The following PTPRG variants were observed in gnomAD, a reference collection of about 807,000 sequenced individuals.
PTPRG encodes receptor-type tyrosine-protein phosphatase gamma.
PTPRG carries 102 observed loss-of-function variants against 165.3 expected under a neutral mutation model. The observed-to-expected ratio is 0.62, with a 90% CI of 0.53 to 0.73. PTPRG has a LOEUF of 0.73. Ranked by LOEUF, PTPRG falls within the 30% of genes least tolerant of loss-of-function variation. The pLI, the probability that PTPRG is intolerant of heterozygous loss-of-function variation, is 0.00. For missense variants in PTPRG, 1,866 were observed against 1,861.4 expected, an observed-to-expected ratio of 1.00 and a Z score of -0.05; for synonymous variants, 675 against 669.5, an observed-to-expected ratio of 1.01 and a Z score of -0.13.
intron 2 of PTPRG, among the ~76,000 whole-genome samples, chr3:61,811,782 C>A (rs1214065091): frequency 6.6e-6 from 1 of 152,186 alleles, no homozygotes; most frequent in Non-Finnish European, 1.5e-5. Context: ...CAAATTCCCA[C>A]AGGCTTAAAA....
At chr3:62,000,759 C>T (rs867198242) in intron 3 of PTPRG, among the ~76,000 whole-genome samples, 1 of 152,208 alleles carries the variant, frequency 6.6e-6, no homozygotes, top group African/African-American at 2.4e-5. Context: ...CAGAGAGTTA[C>T]ACCTGTGTGG....
chr3:61,575,108 T>C (rs1700145940), intron 1 of PTPRG, among the ~76,000 whole-genome samples: 1 of 152,236 alleles, frequency 6.6e-6, no homozygotes, highest in Non-Finnish European at 1.5e-5. Context: ...GAGTTCTTTC[T>C]GAACATATTT....
At chr3:61,585,915 G>T (rs979131885) in intron 1 of PTPRG, among the ~76,000 whole-genome samples, 1 of 152,098 alleles carries the variant, frequency 6.6e-6, no homozygotes, top group Non-Finnish European at 1.5e-5. Flanking sequence ...ATTTGTTGGG[G>T]ACCTACTGTG....
At chr3:61,772,283 G>C (rs1374806844) in intron 2 of PTPRG, among the ~76,000 whole-genome samples, 1 of 151,964 alleles carries the variant, frequency 6.6e-6, no homozygotes, top group Non-Finnish European at 1.5e-5. Context: ...GTTTAGTGTT[G>C]AATGAGGAAT....
intron 2 of PTPRG, among the ~76,000 whole-genome samples, chr3:61,936,106 A>G (rs544987403): frequency 1.3e-5 from 2 of 152,308 alleles, no homozygotes; most frequent in East Asian, 3.9e-4. Context: ...TTGCAATACA[A>G]GGCACCATCT....
chr3:62,252,996 C>T lies in PTPRG; in HGVS notation c.2468-2128C>T, dbSNP rs1701456178. Among the ~76,000 whole-genome samples, 1 of 152,142 alleles carries T rather than the reference C, an allele frequency of 6.6e-6. No homozygotes were observed. The highest frequency in any genetic ancestry group is 1.9e-4 in the East Asian group (1 of 5,186). ...TCCATGATTATCACACTGAACTCTG[C>T]TGGATTTTTGCTGCTTCTAGCCATA... On this transcript the variant is annotated intron_variant, in intron 15 of 29. Coordinates refer to ENST00000474889, the MANE Select transcript of PTPRG (RefSeq NM_002841.4). The surrounding 1 kb of genome is among the most constrained non-coding windows in gnomAD (Gnocchi z 4.6).
intron 2 of PTPRG, among the ~76,000 whole-genome samples, chr3:61,839,784 T>C (rs961022277): frequency 3.3e-5 from 5 of 152,206 alleles, no homozygotes; most frequent in Non-Finnish European, 7.3e-5. Context: ...TTCTGAATTT[T>C]CTTTCTGTAC....
At position 62,214,529 on chromosome 3, in the gene PTPRG, C is replaced by A. The variant is rs1559661129; in HGVS notation, c.2156-4322C>A. Among the ~76,000 whole-genome samples the A allele has an allele frequency of 6.6e-6, 1 of 152,196 alleles. No homozygotes were observed. The highest frequency in any genetic ancestry group is 1.5e-5 in the Non-Finnish European group (1 of 68,040). ...AGGTTAGTTGCCCAAAGTTGCAAAG[C>A]TAGTAGGAGGCAGAGCTTTGTAACT... On this transcript the variant is annotated intron_variant, in intron 12 of 29. Transcript: ENST00000474889. This position sits in a 1 kb window ranked among gnomAD's most constrained non-coding sequence, Gnocchi z 5.2.
chr3:61,580,190 C>T (rs1436031921), intron 1 of PTPRG, among the ~76,000 whole-genome samples: 2 of 152,006 alleles, frequency 1.3e-5, no homozygotes, highest in Non-Finnish European at 2.9e-5. Flanking sequence ...ACCTGTAATC[C>T]CAGCTACTCT....
At chr3:61,738,261 T>A (rs2056485) in intron 1 of PTPRG, among the ~76,000 whole-genome samples, 18 of 36,054 alleles carry the variant, frequency 5.0e-4, no homozygotes, top group South Asian at 1.9e-3. Context: ...TCCATTTTTA[T>A]ATATATATAT....
At chr3:62,070,233 C>A (rs1417743504) in intron 4 of PTPRG, among the ~76,000 whole-genome samples, 1 of 152,160 alleles carries the variant, frequency 6.6e-6, no homozygotes, top group Non-Finnish European at 1.5e-5. Context: ...CTGTATTTAG[C>A]AGAACCATAC....
rs544866834 is a variant in PTPRG, at chr3:61,790,129, C to G, written c.190+41147C>G. ...GACTGGTGTGATCACTTAGCCGTGTCTGTCATGGGCAGTGGAGTACAGAGG... is the reference window on the plus strand; with the variant it reads ...GACTGGTGTGATCACTTAGCCGTGTGTGTCATGGGCAGTGGAGTACAGAGG... On this transcript the variant is annotated intron_variant, in intron 2 of 29. Transcript: ENST00000474889. Among the ~76,000 whole-genome samples the G allele has an allele frequency of 1.6e-4, 25 of 152,262 alleles. 3 individuals are homozygous for G. The South Asian group carries it at 4.6e-3, about 28-fold the overall frequency.
chr3:62,273,142 T>G lies in PTPRG; in HGVS notation c.3318+61T>G. On this transcript the variant is annotated intron_variant, in intron 22 of 29. Coordinates refer to ENST00000474889, the MANE Select transcript of PTPRG (RefSeq NM_002841.4). The surrounding 1 kb of genome is among the most constrained non-coding windows in gnomAD (Gnocchi z 4.1). ...GGCAAATGCTGTAACTGAAATTTGTTAAATGATAATGAAGAGACAGATTCA... is the reference window on the plus strand; with the variant it reads ...GGCAAATGCTGTAACTGAAATTTGTGAAATGATAATGAAGAGACAGATTCA... The G allele has an allele frequency of 2.0e-6, 3 of 1,512,320 alleles. No individual in the cohort carries two copies. In the South Asian group the frequency reaches 4.0e-5, roughly 20 times the overall value. 93.7% of individuals were successfully genotyped at this position (1,512,320 alleles called of 1,614,324 possible).
chr3:61,649,532 T>C (rs1487541723), intron 1 of PTPRG, among the ~76,000 whole-genome samples: 1 of 152,134 alleles, frequency 6.6e-6, no homozygotes, highest in African/African-American at 2.4e-5. Flanking sequence ...GAAGACTCTT[T>C]TATATGGTTC....
chr3:61,904,380 G>A (rs1291477779), intron 2 of PTPRG, among the ~76,000 whole-genome samples: 1 of 152,170 alleles, frequency 6.6e-6, no homozygotes, highest in Non-Finnish European at 1.5e-5. Flanking sequence ...AGCAGGGTCA[G>A]TGGTTTCCAG....
chr3:61,777,531 G>T (rs1379077255), intron 2 of PTPRG, among the ~76,000 whole-genome samples: 4 of 152,198 alleles, frequency 2.6e-5, no homozygotes, highest in African/African-American at 7.2e-5. Context: ...TCACGGTACT[G>T]CAGAGAGATC....
intron 26 of PTPRG, 30 bp from the exon 27 acceptor site, chr3:62,281,533 A>G: frequency 3.2e-6 from 1 of 311,564 alleles, no homozygotes; most frequent in Non-Finnish European, 4.4e-6. Flanking sequence ...ACAGAACTGC[A>G]GAGGCTTTTT....
At chr3:62,199,140 T>C (rs545187109) in intron 10 of PTPRG, among the ~76,000 whole-genome samples, 15 of 152,324 alleles carry the variant, frequency 9.8e-5, no homozygotes, top group Non-Finnish European at 1.8e-4. Flanking sequence ...TCTTTTTTCC[T>C]GTCTTAACTA....
At chr3:61,761,964 C>G (rs1250461935) in intron 2 of PTPRG, among the ~76,000 whole-genome samples, 2 of 152,098 alleles carry the variant, frequency 1.3e-5, no homozygotes, top group South Asian at 4.2e-4. Flanking sequence ...AGTGTGCATG[C>G]CATTAGTACA....
Sources: allele counts gnomAD v4.1 joint callset (sites outside exome capture counted in the v4.1 genomes callset), GRCh38; gene constraint gnomAD v4.1.1; non-coding constraint Gnocchi (gnomAD v3.1); transcripts MANE v1.5; gene names NCBI Gene and HGNC (gene_info 2026-07-23, HGNC 2026-07-21).